Variants in PRKN observed in about 807,000 individuals in gnomAD.
PRKN encodes the protein parkin RBR E3 ubiquitin protein ligase.
In PRKN, 56 loss-of-function variants were observed where a neutral mutation model predicts 59.5. That is an observed-to-expected ratio of 0.94 (90% confidence interval 0.76 to 1.18). The LOEUF (loss-of-function observed/expected upper bound fraction) is 1.18, where lower values mean the gene tolerates loss of function less well. Ranked by LOEUF, PRKN falls within the 50% of genes most tolerant of loss-of-function variation. PRKN has a pLI of 0.00. For missense variants in PRKN, 657 were observed against 596.4 expected (o/e 1.10, Z -1.06); for synonymous variants, 250 against 222.1 (o/e 1.13, Z -1.12).
chr6:162,147,068 C>T (rs911170669), intron 4 of PRKN, among the ~76,000 whole-genome samples: 12 of 148,670 alleles, frequency 8.1e-5, no homozygotes, highest in African/African-American at 2.7e-4. Flanking sequence ...GGGCTGGGTC[C>T]GGTAGCTCAG....
intron 6 of PRKN, among the ~76,000 whole-genome samples, chr6:161,798,279 T>C (rs548671290): frequency 6.6e-6 from 1 of 152,254 alleles, no homozygotes; most frequent in East Asian, 1.9e-4. Context: ...AAGGAATTCA[T>C]GCAAAGATGT....
chr6:162,310,612 G>A (rs1445150668), intron 2 of PRKN, among the ~76,000 whole-genome samples: 8 of 151,958 alleles, frequency 5.3e-5, no homozygotes, highest in Admixed American at 5.2e-4. Flanking sequence ...GGGGGAGCGG[G>A]GAGGGATAGC....
intron 8 of PRKN, among the ~76,000 whole-genome samples, chr6:161,559,731 T>C (rs1562525985): frequency 6.6e-6 from 1 of 152,172 alleles, no homozygotes; most frequent in Non-Finnish European, 1.5e-5. Flanking sequence ...GACATGTCAT[T>C]GTCTGGAAGT....
intron 9 of PRKN, among the ~76,000 whole-genome samples, chr6:161,408,689 G>A (rs1787389876): frequency 1.3e-5 from 2 of 151,952 alleles, no homozygotes; most frequent in African/African-American, 4.8e-5. Context: ...ACAGTTGTGG[G>A]AATGCTGTTG....
At chr6:162,089,187 T>A (rs1779372961) in intron 4 of PRKN, among the ~76,000 whole-genome samples, 1 of 151,942 alleles carries the variant, frequency 6.6e-6, no homozygotes, top group African/African-American at 2.4e-5. Context: ...TAAAGAACAT[T>A]TACAACTTAA....
intron 3 of PRKN, among the ~76,000 whole-genome samples, chr6:162,235,958 G>GAAAGAAAGAAAAAGA (rs1562602229): frequency 4.3e-5 from 4 of 92,678 alleles, no homozygotes; most frequent in African/African-American, 1.6e-4. Flanking sequence ...AGGAAGAAAG[G>GAAAGAAAGAAAAAGA]AAGAAAGAAA....
intron 6 of PRKN, among the ~76,000 whole-genome samples, chr6:161,937,648 T>C (rs1165147043): frequency 6.6e-6 from 1 of 152,246 alleles, no homozygotes; most frequent in Non-Finnish European, 1.5e-5. Context: ...GTGGACTATG[T>C]TACGATTTCT....
intron 1 of PRKN, among the ~76,000 whole-genome samples, chr6:162,594,585 G>T (rs936133557): frequency 1.3e-5 from 2 of 152,088 alleles, no homozygotes; most frequent in African/African-American, 4.8e-5. Flanking sequence ...TGTATGACTT[G>T]CATGGTAACT....
At chr6:162,114,299 CT>C (rs1415535566) in intron 4 of PRKN, among the ~76,000 whole-genome samples, 1 of 151,700 alleles carries the variant, frequency 6.6e-6, no homozygotes, top group East Asian at 1.9e-4. Flanking sequence ...TGTAAATTAC[CT>C]TGGGCAGTAT....
At chr6:162,666,726 A>G (rs1423507084) in intron 1 of PRKN, among the ~76,000 whole-genome samples, 1 of 152,130 alleles carries the variant, frequency 6.6e-6, no homozygotes, top group East Asian at 1.9e-4. Context: ...CTATGTTGGT[A>G]ATTATGTTAA....
intron 10 of PRKN, among the ~76,000 whole-genome samples, chr6:161,367,015 G>A (rs1193656928): frequency 9.3e-6 from 1 of 107,174 alleles, no homozygotes; most frequent in Non-Finnish European, 1.7e-5. Context: ...TTTTGAGACA[G>A]AGTGTGGCTC....
chr6:162,089,275 T>A (rs1324833758), intron 4 of PRKN, among the ~76,000 whole-genome samples: 1 of 152,138 alleles, frequency 6.6e-6, no homozygotes, highest in Non-Finnish European at 1.5e-5. Context: ...GTTATACAAA[T>A]GGCCCAATAA....
intron 1 of PRKN, among the ~76,000 whole-genome samples, chr6:162,617,818 T>C (rs1169437034): frequency 2.0e-5 from 3 of 152,152 alleles, no homozygotes; most frequent in Admixed American, 6.5e-5. Context: ...TAACAAGTAA[T>C]AGTACTACCA....
intron 6 of PRKN, among the ~76,000 whole-genome samples, chr6:161,841,070 G>T (rs568390712): frequency 2.4e-4 from 37 of 152,304 alleles, no homozygotes; most frequent in African/African-American, 8.9e-4. Context: ...ATTACTGTGT[G>T]TATACCAAAA....
chr6:162,003,900 T>C (rs1247601774), intron 5 of PRKN, among the ~76,000 whole-genome samples: 2 of 152,208 alleles, frequency 1.3e-5, no homozygotes, highest in Non-Finnish European at 2.9e-5. Flanking sequence ...AAGAGATGTA[T>C]TGGAATCTGA....
At chr6:162,339,311 C>T (rs1458131624) in intron 2 of PRKN, among the ~76,000 whole-genome samples, 7 of 140,400 alleles carry the variant, frequency 5.0e-5, no homozygotes, top group East Asian at 2.2e-4. Flanking sequence ...GCCCCCCGCC[C>T]GGCCAGCCGC....
At chr6:161,651,623 G>T (rs919803203) in intron 7 of PRKN, among the ~76,000 whole-genome samples, 2 of 152,210 alleles carry the variant, frequency 1.3e-5, no homozygotes, top group Admixed American at 1.3e-4. Context: ...TATCCTGGAA[G>T]TGTGGTCAGG....
chr6:162,526,595 A>G (rs1778294538), intron 1 of PRKN, among the ~76,000 whole-genome samples: 1 of 151,328 alleles, frequency 6.6e-6, no homozygotes, highest in South Asian at 2.1e-4. Flanking sequence ...GGTTGCAGTG[A>G]GCCGAGATCG....
rs181161788 is a variant in PRKN at position 161,360,465 on chromosome 6, G to A, written c.1168-260C>T. Among the ~76,000 whole-genome samples, 3 of 152,332 alleles carry A rather than the reference G, an allele frequency of 2.0e-5. No individual in the cohort carries two copies. Among genetic ancestry groups the A allele is most frequent in the Non-Finnish European group, 4.4e-5 (3 of 68,026 alleles). On this transcript the variant is annotated intron_variant, in intron 10 of 11. Coordinates refer to ENST00000366898, the MANE Select transcript of PRKN (RefSeq NM_004562.3). The surrounding 1 kb of genome is among the most constrained non-coding windows in gnomAD (Gnocchi z 5.1). Reference sequence around the variant, plus strand: ...GTGAGCTCCTCTATTCTGTTGTTTTGCATAATTGTAATAAATAACACCTAT... The same window carrying A: ...GTGAGCTCCTCTATTCTGTTGTTTTACATAATTGTAATAAATAACACCTAT...
Sources: gnomAD v4.1 joint callset for allele counts (sites outside exome capture counted in the v4.1 genomes callset) on GRCh38, gnomAD v4.1.1 for gene constraint, Gnocchi (gnomAD v3.1) non-coding constraint, MANE v1.5 for transcripts, NCBI Gene and HGNC (gene_info 2026-07-23, HGNC 2026-07-21) for gene names.